Variants in DAPL1 observed in about 807,000 individuals in gnomAD.
DAPL1 encodes death-associated protein-like 1.
In DAPL1, 17 loss-of-function variants were observed where a neutral mutation model predicts 12.9. That is an observed-to-expected ratio of 1.32 (90% CI 0.90 to 1.98). The LOEUF is 1.98. Ranked by LOEUF, DAPL1 falls within the 30% of genes most tolerant of loss-of-function variation. DAPL1 has a pLI of 0.00. For synonymous variants in DAPL1, 51 were observed against 42.0 expected (o/e 1.21, Z -0.82); for missense variants, 157 against 125.7 (o/e 1.25, Z -1.19).
chr2:158,802,884 A>G (rs2059176455), intron 1 of DAPL1, among the ~76,000 whole-genome samples: 2 of 152,224 alleles, frequency 1.3e-5, no homozygotes, highest in African/African-American at 4.8e-5. Context: ...ATTGTTTGTG[A>G]TAGCAGTAGA....
chr2:158,811,690 T>C (rs1462005595), intron 3 of DAPL1, among the ~76,000 whole-genome samples: 2 of 152,212 alleles, frequency 1.3e-5, no homozygotes, highest in Non-Finnish European at 2.9e-5. Flanking sequence ...TCCTTGTACA[T>C]ATACTGGCTT....
chr2:158,809,472 G>C (rs2059219554), intron 3 of DAPL1, among the ~76,000 whole-genome samples: 1 of 152,146 alleles, frequency 6.6e-6, no homozygotes. Context: ...ACGGGTTACT[G>C]GTTAGGAGAG....
At chr2:158,804,913 G>A (rs2059192091) in intron 2 of DAPL1, among the ~76,000 whole-genome samples, 1 of 152,204 alleles carries the variant, frequency 6.6e-6, no homozygotes. Flanking sequence ...ATTGACGCCT[G>A]CCCTATTCTC....
chr2:158,813,854 C>T (rs939553313), intron 3 of DAPL1, among the ~76,000 whole-genome samples: 8 of 152,196 alleles, frequency 5.3e-5, no homozygotes, highest in Admixed American at 1.3e-4. Context: ...CGAGCCCGGC[C>T]TCCTTTCCTT....
intron 1 of DAPL1, among the ~76,000 whole-genome samples, chr2:158,798,012 A>G (rs1431678842): frequency 6.6e-6 from 1 of 152,140 alleles, no homozygotes; most frequent in Non-Finnish European, 1.5e-5. Context: ...GATTTGTCTC[A>G]CCCTCACTTT....
At chr2:158,801,395 C>A (rs2059166776) in intron 1 of DAPL1, among the ~76,000 whole-genome samples, 1 of 152,180 alleles carries the variant, frequency 6.6e-6, no homozygotes, top group Non-Finnish European at 1.5e-5. Flanking sequence ...GTGCTATGAG[C>A]AGTCACCATC....
chr2:158,814,882 G>A (rs2059251865), intron 3 of DAPL1, among the ~76,000 whole-genome samples: 1 of 152,120 alleles, frequency 6.6e-6, no homozygotes, highest in Non-Finnish European at 1.5e-5. Context: ...GATGGGCTTG[G>A]AAACCAAGAA....
At chr2:158,797,808 C>A (rs953487719) in intron 1 of DAPL1, among the ~76,000 whole-genome samples, 1 of 151,538 alleles carries the variant, frequency 6.6e-6, no homozygotes, top group Non-Finnish European at 1.5e-5. Context: ...AAAAAAATCA[C>A]TTAGAAGTCA....
At chr2:158,807,265 C>T in intron 3 of DAPL1, 150 bp downstream of exon 3, 1 of 476,576 alleles carries the variant, frequency 2.1e-6, no homozygotes, top group Non-Finnish European at 3.7e-6. Flanking sequence ...CAGAGGAACA[C>T]AAAGTGATTT....
At chr2:158,798,135 C>G (rs1049541592) in intron 1 of DAPL1, among the ~76,000 whole-genome samples, 1 of 152,174 alleles carries the variant, frequency 6.6e-6, no homozygotes, top group African/African-American at 2.4e-5. Flanking sequence ...ATGACTTTTT[C>G]TATATTTCCT....
At chr2:158,808,793 T>C (rs939338822) in intron 3 of DAPL1, among the ~76,000 whole-genome samples, 15 of 152,164 alleles carry the variant, frequency 9.9e-5, no homozygotes, top group African/African-American at 3.4e-4. Flanking sequence ...GTGGATAGGA[T>C]AGAATAGACA....
chr2:158,809,915 C>T (rs1348759368), intron 3 of DAPL1, among the ~76,000 whole-genome samples: 1 of 152,186 alleles, frequency 6.6e-6, no homozygotes, highest in African/African-American at 2.4e-5. Flanking sequence ...CAATAAAGGT[C>T]AACCTGGGGT....
intron 1 of DAPL1, among the ~76,000 whole-genome samples, chr2:158,796,805 A>T (rs1280999169): frequency 1.3e-5 from 2 of 152,180 alleles, no homozygotes. Context: ...ATTGCTAATT[A>T]CTCTGTGTAC....
chr2:158,804,307 C>G lies in DAPL1; in HGVS notation c.84C>G (p.Ser28=). The change falls in exon 2 of 4, where the codon TCC becomes TCG. Residue 28 remains serine (S), a synonymous_variant. Coordinates refer to ENST00000309950, the MANE Select transcript of DAPL1 (RefSeq NM_001017920.3). ...PAVKAGGMRI[S]KKQEIGTLER... is the part of the protein sequence containing the mutation. ...TAAAAGCTGGAGGAATGAGAATTTC[C>G]AAAAAACAAGAAATTGGCACCTTGG... 1 of 1,610,412 alleles carries G rather than the reference C, an allele frequency of 6.2e-7. No individual in the cohort carries two copies. Among genetic ancestry groups the G allele is most frequent in the Non-Finnish European group, 8.5e-7 (1 of 1,178,118 alleles).
rs188717145 is a variant in DAPL1 at position 158,811,245 on chromosome 2, G to A, written c.207+4130G>A. Among the ~76,000 whole-genome samples the A allele has an allele frequency of 1.1e-3, 168 of 152,234 alleles. 1 individual carries two copies. Among genetic ancestry groups the A allele is most frequent in the African/African-American group, 3.6e-3 (148 of 41,530 alleles). On this transcript the variant is annotated intron_variant, in intron 3 of 3. Transcript: ENST00000309950. ...GGGAGAGAAAACTATAAAAGGCATC[G>A]CAAATTTTAAAAGGCTTCTCTTGTT...
At chr2:158,796,097 T>C (rs1478621457) in intron 1 of DAPL1, among the ~76,000 whole-genome samples, 1 of 152,190 alleles carries the variant, frequency 6.6e-6, no homozygotes, top group Non-Finnish European at 1.5e-5. Context: ...CTCTGGAATA[T>C]GGAAATTAGT....
At chr2:158,806,561 A>G (rs1330576579) in intron 2 of DAPL1, among the ~76,000 whole-genome samples, 1 of 152,070 alleles carries the variant, frequency 6.6e-6, no homozygotes, top group Non-Finnish European at 1.5e-5. Context: ...ATGGCTAGGC[A>G]CAGTGGCTCA....
intron 3 of DAPL1, among the ~76,000 whole-genome samples, chr2:158,808,964 A>C (rs571766181): frequency 2.6e-5 from 4 of 152,200 alleles, no homozygotes; most frequent in Non-Finnish European, 5.9e-5. Context: ...CTTTATTTCA[A>C]AGGTAAAAAG....
chr2:158,807,708 A>G (rs920536473), intron 3 of DAPL1: 1 of 152,268 alleles, frequency 6.6e-6, no homozygotes, highest in Non-Finnish European at 1.5e-5. Context: ...AAAGCAATGG[A>G]GCGATCTCAG....
Sources: allele counts gnomAD v4.1 joint callset (sites outside exome capture counted in the v4.1 genomes callset), GRCh38; gene constraint gnomAD v4.1.1; transcripts MANE v1.5; gene names NCBI Gene and HGNC (gene_info 2026-07-23, HGNC 2026-07-21).